TESK2: variants seen among roughly 807,000 people sequenced by gnomAD.
The protein encoded by TESK2 is dual specificity testis-specific protein kinase 2.
TESK2 carries 39 observed loss-of-function variants against 57.1 expected under a neutral mutation model. That is an observed-to-expected ratio of 0.68 (90% CI 0.53 to 0.89). The LOEUF is 0.89. TESK2 is among the 40% of genes least tolerant of loss of function. TESK2 has a pLI of 0.00. For missense variants in TESK2, 646 were observed against 732.1 expected (o/e 0.88, Z 1.36); for synonymous variants, 249 against 267.9 (o/e 0.93, Z 0.69).
intron 3 of TESK2, among the ~76,000 whole-genome samples, chr1:45,404,533 C>A (rs1283591611): frequency 2.0e-5 from 3 of 151,606 alleles, no homozygotes; most frequent in Admixed American, 1.3e-4. Context: ...AAGTATATTT[C>A]TATTTTATTT....
intron 2 of TESK2, among the ~76,000 whole-genome samples, chr1:45,432,560 AGGC>A (rs1004862439): frequency 1.3e-5 from 2 of 149,944 alleles, no homozygotes; most frequent in Non-Finnish European, 3.0e-5. Flanking sequence ...GCATGGTGGC[AGGC>A]GCCTGTAGTC....
intron 4 of TESK2, among the ~76,000 whole-genome samples, chr1:45,356,092 A>C (rs1479912769): frequency 6.6e-6 from 1 of 152,110 alleles, no homozygotes; most frequent in Non-Finnish European, 1.5e-5. Context: ...AATACAGAGA[A>C]AGGGAAATAG....
intron 4 of TESK2, among the ~76,000 whole-genome samples, chr1:45,384,672 C>T (rs1648821268): frequency 1.5e-5 from 2 of 129,746 alleles, no homozygotes; most frequent in Non-Finnish European, 3.1e-5. Flanking sequence ...TCTCGAAATC[C>T]TGGTCTTAGG....
At chr1:45,407,691 T>A (rs900130750) in intron 3 of TESK2, among the ~76,000 whole-genome samples, 1 of 152,192 alleles carries the variant, frequency 6.6e-6, no homozygotes, top group Non-Finnish European at 1.5e-5. Flanking sequence ...CCTGCAGCCA[T>A]GTAAGATGTC....
intron 3 of TESK2, among the ~76,000 whole-genome samples, chr1:45,386,358 A>C (rs1648894803): frequency 1.3e-5 from 2 of 149,754 alleles, no homozygotes; most frequent in African/African-American, 4.9e-5. Context: ...AAAAAAAAAA[A>C]AAAAAAAGAG....
intron 3 of TESK2, among the ~76,000 whole-genome samples, chr1:45,414,253 T>A (rs1422462770): frequency 6.6e-6 from 1 of 152,162 alleles, no homozygotes; most frequent in Non-Finnish European, 1.5e-5. Flanking sequence ...TAAAAAGTAA[T>A]CCATTTCAGG....
intron 1 of TESK2, among the ~76,000 whole-genome samples, chr1:45,460,823 C>G (rs2055145): frequency 0.24 from 36,623 of 152,070 alleles, 4,548 homozygotes; most frequent in East Asian, 0.36. Flanking sequence ...TAGAAAACAT[C>G]AACTTCAGTC....
intron 2 of TESK2, among the ~76,000 whole-genome samples, chr1:45,448,255 A>AAG (rs139096604): frequency 6.7e-6 from 1 of 148,988 alleles, no homozygotes; most frequent in Non-Finnish European, 1.5e-5. Flanking sequence ...AAAAAAAAAA[A>AAG]GAAAAAAGAA....
chr1:45,385,148 A>T (rs1397225826), intron 4 of TESK2: 1 of 159,716 alleles, frequency 6.3e-6, no homozygotes, highest in African/African-American at 2.4e-5. Context: ...TAGATTCTCA[A>T]ATCCAGATGC....
At chr1:45,456,119 G>A (rs2149299405) in intron 2 of TESK2, among the ~76,000 whole-genome samples, 1 of 152,156 alleles carries the variant, frequency 6.6e-6, no homozygotes, top group Non-Finnish European at 1.5e-5. Flanking sequence ...TCTGAGTCCA[G>A]GGAGGTCAAG....
At chr1:45,346,912 G>T (rs972513694) in intron 8 of TESK2, 67 bp downstream of exon 8, 1 of 1,579,536 alleles carries the variant, frequency 6.3e-7, no homozygotes, top group Non-Finnish European at 8.7e-7. Flanking sequence ...CCATCCCAGG[G>T]ACAGAACAGT....
Position 45,357,196 on chromosome 1 carries a change from C to CATAA in TESK2, c.394-1751_394-1748dup, listed in dbSNP as rs59019267. 7.3e-3 allele frequency among the ~76,000 whole-genome samples: 1,025 copies of CATAA among 141,122 alleles called. 9 individuals carry two copies. The highest frequency in any genetic ancestry group is 0.014 in the African/African-American group (544 of 37,930). The allele number at this position is 141,122 out of a possible 152,430, so 92.6% of individuals were successfully genotyped here. On this transcript the variant is annotated intron_variant, in intron 4 of 10. Transcript: ENST00000372086. ...GGGCAACAAGAGCTAAACTCCATCT[C>CATAA]ATAAATAAATAAATAAATAAATAAA...
chr1:45,374,533 A>C (rs1355235911), intron 4 of TESK2, among the ~76,000 whole-genome samples: 1 of 152,190 alleles, frequency 6.6e-6, no homozygotes, highest in Non-Finnish European at 1.5e-5. Context: ...AGCTTAGCAG[A>C]CCCTGGCACA....
chr1:45,346,683 A>G lies in TESK2; in HGVS notation c.879+10T>C. On this transcript the variant is annotated intron_variant, in intron 9 of 10. Coordinates refer to ENST00000372086, the MANE Select transcript of TESK2 (RefSeq NM_007170.3). ...CCCCTGATGAAAGGCAGAGGGAGAA[A>G]GACACTCACGTTACAGCAGTTGAAA... 1 of 1,610,782 alleles carries G rather than the reference A, an allele frequency of 6.2e-7. No homozygotes were observed. The highest frequency in any genetic ancestry group is 1.3e-5 in the African/African-American group (1 of 75,006).
intron 2 of TESK2, among the ~76,000 whole-genome samples, chr1:45,447,573 G>C (rs1651691164): frequency 7.5e-6 from 1 of 134,028 alleles, no homozygotes; most frequent in Non-Finnish European, 1.6e-5. Context: ...TGGTTTTGCA[G>C]TTAACTTTTT....
chr1:45,385,710 G>A (rs375436548), intron 4 of TESK2, among the ~76,000 whole-genome samples: 34 of 135,286 alleles, frequency 2.5e-4, no homozygotes, highest in African/African-American at 5.0e-4. Context: ...GTGTGTGTGT[G>A]TATATATATA....
chr1:45,484,621 ACTC>A (rs1307822502), intron 1 of TESK2, among the ~76,000 whole-genome samples: 2 of 151,882 alleles, frequency 1.3e-5, no homozygotes, highest in Non-Finnish European at 2.9e-5. Flanking sequence ...CTACTCAGCT[ACTC>A]AGGAGGCTGA....
intron 4 of TESK2, among the ~76,000 whole-genome samples, chr1:45,368,406 G>T (rs1323306950): frequency 6.7e-6 from 1 of 150,284 alleles, no homozygotes; most frequent in East Asian, 2.0e-4. Context: ...ACGGAGTCCC[G>T]CTCCATTGCC....
chr1:45,453,853 A>G (rs1376748090), intron 2 of TESK2, among the ~76,000 whole-genome samples: 1 of 152,168 alleles, frequency 6.6e-6, no homozygotes, highest in African/African-American at 2.4e-5. Context: ...AAAAATGAGC[A>G]AAGGATTCAA....
Sources: allele counts gnomAD v4.1 joint callset (sites outside exome capture counted in the v4.1 genomes callset), GRCh38; gene constraint gnomAD v4.1.1; transcripts MANE v1.5; gene names NCBI Gene and HGNC (gene_info 2026-07-23, HGNC 2026-07-21).